The following LYPD6B variants were observed in gnomAD, a reference collection of about 807,000 sequenced individuals.
LYPD6B encodes the protein LY6/PLAUR domain containing 6B, also known as ly6/PLAUR domain-containing protein 6B.
Under a neutral mutation model 22.8 loss-of-function variants are expected in LYPD6B, and 17 were observed. The ratio of observed to expected loss-of-function variants is 0.75; its 90% CI spans 0.51 to 1.12. The LOEUF is 1.12. Among genes scored for constraint, LYPD6B ranks in the 50% most tolerant of loss-of-function variants. LYPD6B has a pLI of 0.00. For synonymous variants in LYPD6B, 106 were observed against 91.6 expected, an observed-to-expected ratio of 1.16 and a Z score of -0.90; for missense variants, 221 against 258.3, an observed-to-expected ratio of 0.86 and a Z score of 0.99.
Position 149,150,658 on chromosome 2 carries a change from A to T in LYPD6B, c.6-10106A>T, listed in dbSNP as rs1689308507. On this transcript the variant is annotated intron_variant, in intron 2 of 6. Transcript: ENST00000409642. ...TGAAATTTCACAATAATGTACATGT[A>T]TTTTTTCATTCATTTTGCTGGGCCT... Among the ~76,000 whole-genome samples, 4 of 151,996 alleles carry T rather than the reference A, an allele frequency of 2.6e-5. No individual in the cohort carries two copies. In the South Asian group the frequency reaches 8.3e-4, roughly 31 times the overall value.
Position 149,214,617 on chromosome 2 carries a change from T to G in LYPD6B, c.531T>G (p.Phe177Leu). 1 of 1,613,982 alleles carries G rather than the reference T, an allele frequency of 6.2e-7. No homozygotes were observed. The change falls in exon 7 of 7, where the codon TTT becomes TTG. Residue 177 changes from phenylalanine to leucine, a missense_variant. Phe to Leu is a conservative substitution (Grantham distance 22, BLOSUM62 0). Coordinates refer to ENST00000409642, the MANE Select transcript of LYPD6B (RefSeq NM_177964.5). ...CCACCAATCACACTAATGCAGTGTT[T>G]GCCGTAATGCACGCTCAGAGAACAT... ...ELPTNHTNAV[F>L]AVMHAQRTSG... is the part of the protein sequence containing the mutation.
At chr2:149,207,689 C>G (rs554885941) in intron 4 of LYPD6B, among the ~76,000 whole-genome samples, 3 of 152,106 alleles carry the variant, frequency 2.0e-5, no homozygotes, top group Non-Finnish European at 2.9e-5. Context: ...TGATAATTGA[C>G]ATATATCAGA....
chr2:149,206,039 A>G (rs1387801631), intron 4 of LYPD6B: 5 of 468,894 alleles, frequency 1.1e-5, no homozygotes, highest in Non-Finnish European at 2.2e-5. Context: ...CGTCTTTGAT[A>G]TACTTTATTA....
chr2:149,129,834 G>A (rs1687915785), intron 1 of LYPD6B, among the ~76,000 whole-genome samples: 1 of 152,214 alleles, frequency 6.6e-6, no homozygotes, highest in African/African-American at 2.4e-5. Flanking sequence ...AATGCCTGGT[G>A]CAAGATAGAA....
intron 3 of LYPD6B, among the ~76,000 whole-genome samples, chr2:149,203,426 A>G (rs575943836): frequency 1.3e-5 from 2 of 152,304 alleles, no homozygotes; most frequent in African/African-American, 2.4e-5. Flanking sequence ...TATAATAATG[A>G]CTATGGAATA....
intron 1 of LYPD6B, among the ~76,000 whole-genome samples, chr2:149,086,677 C>G (rs1226838850): frequency 6.6e-6 from 1 of 152,142 alleles, no homozygotes; most frequent in African/African-American, 2.4e-5. Context: ...GCTGCCATGG[C>G]AAAATATCAC....
intron 1 of LYPD6B, among the ~76,000 whole-genome samples, chr2:149,103,953 T>C (rs560773662): frequency 6.6e-6 from 1 of 151,884 alleles, no homozygotes; most frequent in East Asian, 1.9e-4. Context: ...ATTTTTTATA[T>C]TTTTGTTAGA....
chr2:149,048,739 A>G (rs1436972463), intron 1 of LYPD6B, among the ~76,000 whole-genome samples: 1 of 152,152 alleles, frequency 6.6e-6, no homozygotes, highest in Non-Finnish European at 1.5e-5. Flanking sequence ...TCAGTTCTCT[A>G]CATCCTGAGC....
chr2:149,130,303 T>C (rs1687946246), intron 1 of LYPD6B, among the ~76,000 whole-genome samples: 1 of 152,128 alleles, frequency 6.6e-6, no homozygotes, highest in Non-Finnish European at 1.5e-5. Context: ...TTTAAATGCC[T>C]TTTGAAGGGG....
chr2:149,178,351 A>G (rs912362631), intron 3 of LYPD6B, among the ~76,000 whole-genome samples: 6 of 152,246 alleles, frequency 3.9e-5, no homozygotes, highest in African/African-American at 1.4e-4. Context: ...AGTATTATAA[A>G]GACAACATCT....
At chr2:149,120,834 G>C (rs1328474252) in intron 1 of LYPD6B, among the ~76,000 whole-genome samples, 1 of 116,896 alleles carries the variant, frequency 8.6e-6, no homozygotes, top group African/African-American at 3.6e-5. Flanking sequence ...CTGTCACCCA[G>C]CCTGGAGTGG....
At chr2:149,208,493 C>A in intron 5 of LYPD6B, 81 bp downstream of exon 5, 4 of 1,165,528 alleles carry the variant, frequency 3.4e-6, no homozygotes, top group South Asian at 1.3e-5. Context: ...CTTTAGGAAT[C>A]AGATGTATTT....
intron 1 of LYPD6B, among the ~76,000 whole-genome samples, chr2:149,128,378 A>T (rs1687828261): frequency 6.6e-6 from 1 of 152,248 alleles, no homozygotes; most frequent in South Asian, 2.1e-4. Context: ...GGTTCAAATT[A>T]TAGATCCAAA....
chr2:149,196,872 C>T (rs1441789139), intron 3 of LYPD6B, among the ~76,000 whole-genome samples: 1 of 152,176 alleles, frequency 6.6e-6, no homozygotes, highest in African/African-American at 2.4e-5. Flanking sequence ...CCTTACACAC[C>T]GAGTGACCCT....
intron 1 of LYPD6B, among the ~76,000 whole-genome samples, chr2:149,050,125 A>G (rs1683483751): frequency 1.3e-5 from 2 of 152,030 alleles, no homozygotes; most frequent in African/African-American, 4.8e-5. Flanking sequence ...TCTGGACTCT[A>G]TTTCTTGTCA....
intron 1 of LYPD6B, among the ~76,000 whole-genome samples, chr2:149,084,985 T>C (rs1297808702): frequency 6.6e-6 from 1 of 152,160 alleles, no homozygotes; most frequent in Non-Finnish European, 1.5e-5. Flanking sequence ...AAGTACAGAC[T>C]AGATCTCAAG....
chr2:149,054,281 T>C (rs1274973948), intron 1 of LYPD6B, among the ~76,000 whole-genome samples: 2 of 152,254 alleles, frequency 1.3e-5, no homozygotes, highest in East Asian at 3.8e-4. Context: ...CTTTTTGCCA[T>C]AGTCATTCTG....
chr2:149,078,513 C>T (rs879602739), intron 1 of LYPD6B, among the ~76,000 whole-genome samples: 1 of 152,106 alleles, frequency 6.6e-6, no homozygotes, highest in Non-Finnish European at 1.5e-5. Flanking sequence ...ATGGTTGCCA[C>T]ATAACACAAG....
chr2:149,178,859 G>A (rs908409881), intron 3 of LYPD6B, among the ~76,000 whole-genome samples: 3 of 152,136 alleles, frequency 2.0e-5, no homozygotes, highest in Non-Finnish European at 2.9e-5. Context: ...CACCTTCCCC[G>A]ATGGAATGAG....
Sources: gnomAD v4.1 joint callset for allele counts (sites outside exome capture counted in the v4.1 genomes callset) on GRCh38, gnomAD v4.1.1 for gene constraint, MANE v1.5 for transcripts, NCBI Gene and HGNC (gene_info 2026-07-23, HGNC 2026-07-21) for gene names.